WWOX: variants seen among roughly 807,000 people sequenced by gnomAD.
WWOX encodes the protein WW domain containing oxidoreductase.
A neutral mutation model predicts 46.2 loss-of-function variants in WWOX; 69 were observed. The ratio of observed to expected loss-of-function variants is 1.49; its 90% CI spans 1.23 to 1.82. The LOEUF (loss-of-function observed/expected upper bound fraction) is 1.82. Among genes scored for constraint, WWOX ranks in the 40% most tolerant of loss-of-function variants. The probability of loss-of-function intolerance (pLI) is 0.00; values close to 1 mark genes in which losing one functional copy is unlikely to be tolerated. For synonymous variants in WWOX, 359 were observed against 202.6 expected (o/e 1.77, Z -6.56); for missense variants, 919 against 542.6 (o/e 1.69, Z -6.89).
chr16:79,157,795 G>T (rs763130411), intron 8 of WWOX, among the ~76,000 whole-genome samples: 5 of 152,308 alleles, frequency 3.3e-5, no homozygotes, highest in Admixed American at 6.5e-5. Context: ...TCAAGAGGCA[G>T]AGGGAGAGGG....
In WWOX at chr16:78,251,346, T is replaced by A. The variant is rs867715009; in HGVS notation, c.516+87057T>A. ...CTAGTTCATCTGGTCCCTTAATGAA[T>A]ACTCTGGCTTCGTCATCTTCCCTAG... On this transcript the variant is annotated intron_variant, in intron 5 of 8. Transcript: ENST00000566780. Among the ~76,000 whole-genome samples the A allele has an allele frequency of 2.8e-4, 43 of 152,230 alleles. 1 individual carries two copies. Among genetic ancestry groups the A allele is most frequent in the Admixed American group, 9.8e-4 (15 of 15,288 alleles).
chr16:78,310,812 C>G (rs929298055), intron 5 of WWOX, among the ~76,000 whole-genome samples: 3 of 152,176 alleles, frequency 2.0e-5, no homozygotes, highest in African/African-American at 4.8e-5. Context: ...GTTTTAAGCC[C>G]TGAGAGAACC....
At chr16:78,312,921 A>G (rs1034951160) in intron 5 of WWOX, among the ~76,000 whole-genome samples, 2 of 152,148 alleles carry the variant, frequency 1.3e-5, no homozygotes, top group Non-Finnish European at 2.9e-5. Flanking sequence ...GCTGTGTGCC[A>G]TTCTCTCCCC....
chr16:79,200,608 A>G (rs889512782), intron 8 of WWOX, among the ~76,000 whole-genome samples: 5 of 152,080 alleles, frequency 3.3e-5, no homozygotes, highest in African/African-American at 1.2e-4. Flanking sequence ...ACTCTCAGTA[A>G]CCAGCAGTCA....
chr16:78,809,241 G>A (rs2142697799), intron 8 of WWOX, among the ~76,000 whole-genome samples: 1 of 149,380 alleles, frequency 6.7e-6, no homozygotes, highest in Admixed American at 6.7e-5. Flanking sequence ...GGTTGTCTGA[G>A]CAGAATGTTT....
intron 6 of WWOX, among the ~76,000 whole-genome samples, chr16:78,401,247 C>T (rs770907173): frequency 3.3e-5 from 5 of 151,480 alleles, no homozygotes; most frequent in Non-Finnish European, 5.9e-5. Context: ...TCTACATTTT[C>T]CATAATTTAG....
At chr16:78,904,168 C>G (rs939470811) in intron 8 of WWOX, among the ~76,000 whole-genome samples, 9 of 146,452 alleles carry the variant, frequency 6.1e-5, no homozygotes, top group Non-Finnish European at 1.0e-4. Flanking sequence ...TAGAGTTTTT[C>G]TTTAAAGCAG....
At chr16:78,695,751 C>T (rs963963721) in intron 8 of WWOX, among the ~76,000 whole-genome samples, 3 of 152,204 alleles carry the variant, frequency 2.0e-5, no homozygotes, top group Non-Finnish European at 4.4e-5. Flanking sequence ...ACACAGGGAA[C>T]CTGTGACAAA....
At chr16:78,602,822 C>T (rs577711329) in intron 8 of WWOX, among the ~76,000 whole-genome samples, 7 of 152,300 alleles carry the variant, frequency 4.6e-5, no homozygotes, top group African/African-American at 1.7e-4. Context: ...CTATCATTCT[C>T]TCCATTTTAC....
chr16:79,120,634 C>G (rs552581190), intron 8 of WWOX, among the ~76,000 whole-genome samples: 2 of 152,328 alleles, frequency 1.3e-5, no homozygotes, highest in South Asian at 4.1e-4. Context: ...CTAGAGGAGA[C>G]TTTGTTCTTC....
Position 78,692,747 on chromosome 16 carries a change from G to T in WWOX, c.1056+259995G>T, listed in dbSNP as rs114367437. On this transcript the variant is annotated intron_variant, in intron 8 of 8. Transcript: ENST00000566780. Reference sequence around the variant, plus strand: ...CTCTTAATTTCATGCTTCTTAAACTGGGGTATGAGTGGCCCCAGGTTTCCC... The same window carrying T: ...CTCTTAATTTCATGCTTCTTAAACTTGGGTATGAGTGGCCCCAGGTTTCCC... Among the ~76,000 whole-genome samples, 1,319 of 152,304 alleles carry T rather than the reference G, an allele frequency of 8.7e-3. 23 individuals carry two copies. Among genetic ancestry groups the T allele is most frequent in the African/African-American group, 0.031 (1,276 of 41,566 alleles).
intron 8 of WWOX, among the ~76,000 whole-genome samples, chr16:79,107,554 C>T (rs779132178): frequency 6.6e-5 from 10 of 152,318 alleles, no homozygotes; most frequent in Non-Finnish European, 1.2e-4. Flanking sequence ...TTTTGGATAG[C>T]CCAAAGACCA....
chr16:78,438,505 G>C (rs762712717), intron 8 of WWOX, among the ~76,000 whole-genome samples: 3 of 150,786 alleles, frequency 2.0e-5, no homozygotes, highest in Non-Finnish European at 2.9e-5. Context: ...ATACATCCTT[G>C]CCAGAGTTCC....
At chr16:78,200,446 G>A (rs1212459614) in intron 5 of WWOX, among the ~76,000 whole-genome samples, 2 of 150,580 alleles carry the variant, frequency 1.3e-5, no homozygotes, top group African/African-American at 4.9e-5. Context: ...TGATTTCTCT[G>A]AGCCTCAGTT....
intron 8 of WWOX, chr16:79,101,736 T>G (rs1236003974): frequency 1.4e-5 from 2 of 144,974 alleles, no homozygotes; most frequent in Non-Finnish European, 3.0e-5. Flanking sequence ...TCTGTATTAC[T>G]TAGCCTTAAA....
At chr16:78,215,709 C>G (rs2036696606) in intron 5 of WWOX, among the ~76,000 whole-genome samples, 1 of 152,110 alleles carries the variant, frequency 6.6e-6, no homozygotes, top group East Asian at 1.9e-4. Flanking sequence ...AGATGGATCA[C>G]TTGAGGTCAA....
At chr16:78,985,962 T>C (rs2046776644) in intron 8 of WWOX, among the ~76,000 whole-genome samples, 1 of 152,186 alleles carries the variant, frequency 6.6e-6, no homozygotes. Flanking sequence ...GTGTCAAAAG[T>C]TCATGGCTCA....
intron 6 of WWOX, among the ~76,000 whole-genome samples, chr16:78,389,567 T>C (rs1467298190): frequency 6.6e-6 from 1 of 152,158 alleles, no homozygotes; most frequent in Non-Finnish European, 1.5e-5. Context: ...ATGTTTTGAT[T>C]CAATTCTCAA....
intron 8 of WWOX, among the ~76,000 whole-genome samples, chr16:78,958,449 A>T (rs190365350): frequency 1.3e-5 from 2 of 152,328 alleles, no homozygotes; most frequent in East Asian, 1.9e-4. Context: ...CTTTCAAAGT[A>T]CTCTCTATGG....
Sources: gnomAD v4.1 joint callset for allele counts (sites outside exome capture counted in the v4.1 genomes callset) on GRCh38, gnomAD v4.1.1 for gene constraint, MANE v1.5 for transcripts, NCBI Gene and HGNC (gene_info 2026-07-23, HGNC 2026-07-21) for gene names.